CARNMT1: variants seen among roughly 807,000 people sequenced by gnomAD.
CARNMT1 encodes protein-L-histidine N-pros-methyltransferase CARNMT1.
A neutral mutation model predicts 49.6 loss-of-function variants in CARNMT1; 28 were observed. That is an observed-to-expected ratio of 0.56 (90% CI 0.42 to 0.77). The LOEUF is 0.77. Among genes scored for constraint, CARNMT1 ranks in the 30% least tolerant of loss-of-function variants. The pLI is 0.00. For missense variants in CARNMT1, 421 were observed against 512.6 expected, an observed-to-expected ratio of 0.82 and a Z score of 1.73; for synonymous variants, 178 against 175.0, an observed-to-expected ratio of 1.02 and a Z score of -0.13.
At chr9:75,020,519 G>A (rs769989520) in intron 1 of CARNMT1, among the ~76,000 whole-genome samples, 13 of 151,986 alleles carry the variant, frequency 8.6e-5, no homozygotes, top group Non-Finnish European at 1.5e-4. Context: ...GCCTGCCTCC[G>A]CCTTCCAAAG....
chr9:75,013,879 G>A (rs1475701292), intron 3 of CARNMT1, among the ~76,000 whole-genome samples: 1 of 151,298 alleles, frequency 6.6e-6, no homozygotes, highest in African/African-American at 2.4e-5. Flanking sequence ...GCTGAGGTGG[G>A]AGGAGTACTT....
intron 6 of CARNMT1, among the ~76,000 whole-genome samples, chr9:74,990,423 T>C (rs571620187): frequency 6.6e-6 from 1 of 152,336 alleles, no homozygotes; most frequent in Admixed American, 6.5e-5. Flanking sequence ...ATACTGAGTG[T>C]TGCATTGGAA....
In CARNMT1 at chr9:75,009,423, A is replaced by G. The variant is rs189665713; in HGVS notation, c.590+6845T>C. On this transcript the variant is annotated intron_variant, in intron 3 of 7. Transcript: ENST00000376834. ...AGTATTTTTTTTTTCTTTTCGGTGT[A>G]AGTAAGTAACCCATACCAAGTATTT... 1.1e-3 allele frequency among the ~76,000 whole-genome samples: 173 copies of G among 152,044 alleles called. 1 individual carries two copies. The highest frequency in any genetic ancestry group is 2.0e-3 in the Non-Finnish European group (135 of 67,986).
intron 3 of CARNMT1, among the ~76,000 whole-genome samples, chr9:75,014,626 G>A (rs1249767485): frequency 6.6e-6 from 1 of 152,104 alleles, no homozygotes; most frequent in Non-Finnish European, 1.5e-5. Flanking sequence ...AAAAGTATAA[G>A]TGAATTCAGG....
At chr9:75,003,385 G>A (rs950549097) in intron 3 of CARNMT1, among the ~76,000 whole-genome samples, 1 of 152,246 alleles carries the variant, frequency 6.6e-6, no homozygotes, top group African/African-American at 2.4e-5. Context: ...TGGCTTGCAG[G>A]CCAGTCACCT....
intron 6 of CARNMT1, among the ~76,000 whole-genome samples, chr9:74,987,780 T>C (rs1222213358): frequency 1.3e-5 from 2 of 152,040 alleles, no homozygotes; most frequent in Admixed American, 6.6e-5. Flanking sequence ...ATGTCAATTA[T>C]ATCTCCAAAA....
Position 75,028,048 on chromosome 9 carries a change from T to C in CARNMT1, c.194A>G (p.His65Arg), listed in dbSNP as rs1163717819. The C allele has an allele frequency of 1.3e-5, 21 of 1,578,246 alleles. No homozygotes were observed. Among genetic ancestry groups the C allele is most frequent in the Non-Finnish European group, 1.6e-5 (19 of 1,164,798 alleles). Reference protein sequence around the residue: ...EEEEERLEREHFWKIINAFRY... With the variant: ...EEEEERLERERFWKIINAFRY... ...GAAGGCATTAATGATCTTCCAGAAGTGCTCACGCTCAAGCCTCTCCTCCTC... is the reference window on the plus strand; with the variant it reads ...GAAGGCATTAATGATCTTCCAGAAGCGCTCACGCTCAAGCCTCTCCTCCTC... Residue 65 changes from histidine to arginine, a missense_variant, in exon 1 of 8, where the codon CAC (histidine) becomes CGC (arginine). Transcript: ENST00000376834.
At chr9:75,007,955 T>TAA (rs953865387) in intron 3 of CARNMT1, among the ~76,000 whole-genome samples, 1 of 151,852 alleles carries the variant, frequency 6.6e-6, no homozygotes, top group Non-Finnish European at 1.5e-5. Context: ...ACAGAGCTAA[T>TAA]AAAGCAAGAT....
intron 1 of CARNMT1, chr9:75,027,429 A>G: frequency 1.0e-6 from 1 of 985,298 alleles, no homozygotes; most frequent in Non-Finnish European, 1.2e-6. Context: ...GCCCTTAATC[A>G]CCCACCAGTT....
intron 3 of CARNMT1, among the ~76,000 whole-genome samples, chr9:75,010,987 C>A (rs752965119): frequency 6.6e-6 from 1 of 151,826 alleles, no homozygotes; most frequent in Admixed American, 6.6e-5. Context: ...CAATAAAAAA[C>A]TGAGGGCAAA....
chr9:75,014,855 T>TA (rs1833798942), intron 3 of CARNMT1, among the ~76,000 whole-genome samples: 1 of 151,304 alleles, frequency 6.6e-6, no homozygotes, highest in African/African-American at 2.4e-5. Flanking sequence ...AATAAATAAA[T>TA]AATAATCAAT....
intron 3 of CARNMT1, among the ~76,000 whole-genome samples, chr9:75,001,068 C>T (rs2118799090): frequency 6.6e-6 from 1 of 152,192 alleles, no homozygotes; most frequent in South Asian, 2.1e-4. Context: ...TCCCATCTGT[C>T]CAATCATAAC....
chr9:75,006,784 C>A (rs1027632000), intron 3 of CARNMT1, among the ~76,000 whole-genome samples: 46 of 152,040 alleles, frequency 3.0e-4, no homozygotes, highest in Non-Finnish European at 6.0e-4. Context: ...CCTATTAGTA[C>A]CATTTAGAGT....
At chr9:74,987,776 A>T (rs961333138) in intron 6 of CARNMT1, among the ~76,000 whole-genome samples, 1 of 152,092 alleles carries the variant, frequency 6.6e-6, no homozygotes, top group Non-Finnish European at 1.5e-5. Flanking sequence ...TTATATGTCA[A>T]TTATATCTCC....
chr9:75,018,062 T>TTAG (rs907779468), intron 1 of CARNMT1, among the ~76,000 whole-genome samples: 3 of 152,094 alleles, frequency 2.0e-5, no homozygotes, highest in African/African-American at 7.2e-5. Context: ...TTATATTTAC[T>TTAG]TATTATTATT....
intron 6 of CARNMT1, among the ~76,000 whole-genome samples, chr9:74,995,429 TTCC>T (rs1833158462): frequency 6.6e-6 from 1 of 152,196 alleles, no homozygotes; most frequent in African/African-American, 2.4e-5. Context: ...CTTTCCATTT[TTCC>T]TTGGGAAAAA....
chr9:74,987,598 A>G (rs1411588962), intron 6 of CARNMT1, among the ~76,000 whole-genome samples: 1 of 152,196 alleles, frequency 6.6e-6, no homozygotes, highest in Non-Finnish European at 1.5e-5. Flanking sequence ...CAGAATCCAA[A>G]GTAGTGACAG....
rs775775010 is a variant in CARNMT1 at position 75,017,358 on chromosome 9, A to T, written c.321T>A (p.Leu107=). The change falls in exon 2 of 8, where the codon CTT becomes CTA. Residue 107 remains leucine (L), a synonymous_variant. Transcript: ENST00000376834. ...TGCATTTCCGGATCTTGTCCAAGTG[A>T]AGAAGAAACTGAGGAAGTAGTTTCT... ...NQQKLLPQFL[L]HLDKIRKCID... is the part of the protein sequence containing the mutation. The T allele has an allele frequency of 9.3e-6, 15 of 1,614,010 alleles. No individual in the cohort carries two copies. Among genetic ancestry groups the T allele is most frequent in the Non-Finnish European group, 1.3e-5 (15 of 1,179,886 alleles).
intron 2 of CARNMT1, 106 bp from the exon 3 acceptor site, chr9:75,016,537 ATCACTAGCCTC>A (rs902076285): frequency 9.8e-7 from 1 of 1,016,990 alleles, no homozygotes; most frequent in African/African-American, 1.6e-5. Flanking sequence ...TAGTGGATAA[ATCACTAGCCTC>A]TCACCTCAAC....
Sources: gnomAD v4.1 joint callset for allele counts (sites outside exome capture counted in the v4.1 genomes callset) on GRCh38, gnomAD v4.1.1 for gene constraint, MANE v1.5 for transcripts, NCBI Gene and HGNC (gene_info 2026-07-23, HGNC 2026-07-21) for gene names.